The following NLGN1 variants were observed in gnomAD, a reference collection of about 807,000 sequenced individuals.
NLGN1 encodes neuroligin 1.
Under a neutral mutation model 65.5 loss-of-function variants are expected in NLGN1, and 12 were observed. The ratio of observed to expected loss-of-function variants is 0.18; its 90% CI spans 0.12 to 0.30. The LOEUF is 0.30. Among genes scored for constraint, NLGN1 ranks in the 10% least tolerant of loss-of-function variants. The pLI is 1.00. For missense variants in NLGN1, 750 were observed against 1,007.1 expected, an observed-to-expected ratio of 0.74 and a Z score of 3.46; for synonymous variants, 350 against 359.5, an observed-to-expected ratio of 0.97 and a Z score of 0.30.
Position 174,052,716 on chromosome 3 carries a change from A to G in NLGN1, c.647-222599A>G, listed in dbSNP as rs557423466. Among the ~76,000 whole-genome samples, 4 of 152,122 alleles carry G rather than the reference A, an allele frequency of 2.6e-5. No homozygotes were observed. In the East Asian group the frequency reaches 7.8e-4, roughly 30 times the overall value. ...TAGGACAAAGTGATTAGGTGCTTCT[A>G]TTTGAGAGTGTACAGTATTTGCGTT... is the stretch of plus-strand genomic sequence containing the variant. On this transcript the variant is annotated intron_variant, in intron 4 of 6. Coordinates refer to ENST00000457714, the Ensembl canonical transcript of NLGN1.
At chr3:173,865,579 T>TA (rs1177608353) in intron 4 of NLGN1, among the ~76,000 whole-genome samples, 1 of 152,092 alleles carries the variant, frequency 6.6e-6, no homozygotes, top group Non-Finnish European at 1.5e-5. Context: ...GATAGATTTT[T>TA]AAAAAAACAA....
chr3:173,975,637 A>G (rs1433453131), intron 4 of NLGN1, among the ~76,000 whole-genome samples: 1 of 151,994 alleles, frequency 6.6e-6, no homozygotes, highest in Non-Finnish European at 1.5e-5. Context: ...ATTGCATGGC[A>G]TGGGTGAGAA....
At chr3:174,112,999 C>A (rs780680068) in intron 4 of NLGN1, among the ~76,000 whole-genome samples, 21 of 151,812 alleles carry the variant, frequency 1.4e-4, no homozygotes, top group Admixed American at 5.2e-4. Flanking sequence ...TATATAAACA[C>A]ATATACATAG....
chr3:174,121,927 G>A (rs1031192423), intron 4 of NLGN1, among the ~76,000 whole-genome samples: 1 of 152,094 alleles, frequency 6.6e-6, no homozygotes, highest in East Asian at 1.9e-4. Context: ...TCTTGCACTT[G>A]TCATTTTCTT....
At chr3:173,843,117 C>T (rs1007924363) in intron 4 of NLGN1, among the ~76,000 whole-genome samples, 38 of 152,208 alleles carry the variant, frequency 2.5e-4, no homozygotes, top group Admixed American at 2.3e-3. Flanking sequence ...TTTCTGAAGC[C>T]ATGGCCCAAG....
intron 3 of NLGN1, among the ~76,000 whole-genome samples, chr3:173,712,484 G>A (rs1578080656): frequency 6.6e-6 from 1 of 152,088 alleles, no homozygotes; most frequent in South Asian, 2.1e-4. Context: ...AGGCTGCCTG[G>A]ACTCAGATTC....
At chr3:173,790,451 C>A (rs931813532) in intron 3 of NLGN1, among the ~76,000 whole-genome samples, 3 of 152,082 alleles carry the variant, frequency 2.0e-5, no homozygotes, top group Admixed American at 6.6e-5. Flanking sequence ...TCACTGTATT[C>A]TCTTTATAGA....
intron 4 of NLGN1, among the ~76,000 whole-genome samples, chr3:173,927,348 G>T (rs183482065): frequency 2.6e-5 from 4 of 152,090 alleles, no homozygotes; most frequent in East Asian, 1.9e-4. Context: ...GGCATGAGCC[G>T]CCATGCCCAG....
At chr3:173,528,016 A>T (rs145660350) in intron 2 of NLGN1, among the ~76,000 whole-genome samples, 1 of 152,320 alleles carries the variant, frequency 6.6e-6, no homozygotes, top group Non-Finnish European at 1.5e-5. Context: ...GTTGCTTTGA[A>T]GTCTCAATTG....
rs543507790 is a variant in NLGN1 at position 173,530,481 on chromosome 3, A to T, written c.-320-73798A>T. On this transcript the variant is annotated intron_variant, in intron 2 of 6. Transcript: ENST00000457714. ...TTTCTGTTGGAAAGTAGTAGATATC[A>T]CCCTCAAACATAAAAGCTATTCGTG... 9.2e-5 allele frequency among the ~76,000 whole-genome samples: 14 copies of T among 152,308 alleles called. No individual in the cohort carries two copies. In the South Asian group the frequency reaches 2.9e-3, roughly 32 times the overall value.
At chr3:173,509,650 T>G (rs189794441) in intron 2 of NLGN1, among the ~76,000 whole-genome samples, 26 of 152,172 alleles carry the variant, frequency 1.7e-4, no homozygotes, top group Admixed American at 1.6e-3. Flanking sequence ...ATAAATAGTA[T>G]TTCTATATTC....
chr3:173,516,245 A>C (rs971916788), intron 2 of NLGN1, among the ~76,000 whole-genome samples: 1 of 152,060 alleles, frequency 6.6e-6, no homozygotes, highest in South Asian at 2.1e-4. Context: ...TGGATATTCT[A>C]ACTTACTATT....
At chr3:173,837,561 A>C (rs750477309) in intron 4 of NLGN1, among the ~76,000 whole-genome samples, 5 of 152,224 alleles carry the variant, frequency 3.3e-5, no homozygotes, top group Non-Finnish European at 7.3e-5. Context: ...AATGGCTGTC[A>C]CCTAAAGTAG....
intron 4 of NLGN1, among the ~76,000 whole-genome samples, chr3:174,211,128 G>A (rs1051924406): frequency 1.3e-5 from 2 of 152,192 alleles, no homozygotes; most frequent in Admixed American, 6.5e-5. Context: ...GAGTGTTACA[G>A]CTCATAAAAG....
intron 4 of NLGN1, among the ~76,000 whole-genome samples, chr3:173,955,285 C>T (rs1166671226): frequency 6.6e-6 from 1 of 152,074 alleles, no homozygotes; most frequent in Non-Finnish European, 1.5e-5. Flanking sequence ...TTTGCTGATG[C>T]CGCTCATAGA....
At chr3:174,076,997 T>C (rs1293137800) in intron 4 of NLGN1, among the ~76,000 whole-genome samples, 2 of 152,134 alleles carry the variant, frequency 1.3e-5, no homozygotes, top group South Asian at 2.1e-4. Context: ...GTTCAGCTTG[T>C]GAACAATTAA....
chr3:173,971,988 A>G (rs768475423), intron 4 of NLGN1, among the ~76,000 whole-genome samples: 10 of 151,950 alleles, frequency 6.6e-5, no homozygotes, highest in Non-Finnish European at 5.9e-5. Flanking sequence ...CACAAGTGCA[A>G]CTCACAGCAT....
chr3:173,499,065 C>T (rs1179008909), intron 2 of NLGN1, among the ~76,000 whole-genome samples: 2 of 150,606 alleles, frequency 1.3e-5, no homozygotes, highest in African/African-American at 4.9e-5. Context: ...TGAATTAGAT[C>T]CCATTTGTCA....
At chr3:173,691,597 A>G (rs1468329204) in intron 3 of NLGN1, among the ~76,000 whole-genome samples, 2 of 152,038 alleles carry the variant, frequency 1.3e-5, no homozygotes, top group Non-Finnish European at 1.5e-5. Flanking sequence ...CCAAATATCA[A>G]CTCAGAGATA....
Sources: gnomAD v4.1 joint callset for allele counts (sites outside exome capture counted in the v4.1 genomes callset) on GRCh38, gnomAD v4.1.1 for gene constraint, MANE v1.5 for transcripts, NCBI Gene and HGNC (gene_info 2026-07-23, HGNC 2026-07-21) for gene names.